MACF1: variants seen among roughly 807,000 people sequenced by gnomAD.
The protein encoded by MACF1 is microtubule-actin cross-linking factor 1.
A neutral mutation model predicts 854.8 loss-of-function variants in MACF1; 193 were observed. That is an observed-to-expected ratio of 0.23 (90% CI 0.20 to 0.25). The LOEUF (loss-of-function observed/expected upper bound fraction) is 0.25. Ranked by LOEUF, MACF1 falls within the 10% of genes least tolerant of loss-of-function variation. The pLI is 1.00. For synonymous variants in MACF1, 3,185 were observed against 3,226.7 expected (o/e 0.99, Z 0.44); for missense variants, 7,722 against 8,929.1 (o/e 0.86, Z 5.45).
intron 88 of MACF1, 137 bp from the exon 89 acceptor site, chr1:39,454,772 T>C: frequency 1.4e-6 from 1 of 734,016 alleles, no homozygotes; most frequent in South Asian, 2.0e-5. Context: ...TACACTCCAG[T>C]GTGGGTGACA....
chr1:39,115,898 A>C (rs1016884062), intron 2 of MACF1, among the ~76,000 whole-genome samples: 6 of 152,216 alleles, frequency 3.9e-5, no homozygotes, highest in Non-Finnish European at 8.8e-5. Flanking sequence ...GCAGAGGTCA[A>C]ATAAGGCAAA....
chr1:39,221,296 G>T (rs12057271), intron 1 of MACF1, among the ~76,000 whole-genome samples: 3 of 151,974 alleles, frequency 2.0e-5, no homozygotes, highest in African/African-American at 7.2e-5. Context: ...GATCAAATCC[G>T]TAAAGGATTT....
chr1:39,230,156 G>T (rs534666085), intron 1 of MACF1, among the ~76,000 whole-genome samples: 1 of 152,172 alleles, frequency 6.6e-6, no homozygotes, highest in Non-Finnish European at 1.5e-5. Context: ...ACTGATAATG[G>T]TAAGTGCTAA....
At chr1:39,456,084 AG>A (rs1191798622) in intron 89 of MACF1, among the ~76,000 whole-genome samples, 2 of 152,202 alleles carry the variant, frequency 1.3e-5, no homozygotes, top group Non-Finnish European at 2.9e-5. Context: ...CTGTAATCCC[AG>A]CACTTTGGGA....
intron 99 of MACF1, among the ~76,000 whole-genome samples, chr1:39,483,436 G>A (rs957263250): frequency 2.0e-5 from 3 of 152,294 alleles, no homozygotes; most frequent in East Asian, 1.9e-4. Context: ...TGAGCCACAC[G>A]TGTATCTGGG....
intron 6 of MACF1, chr1:39,269,545 G>A: frequency 7.8e-7 from 1 of 1,289,828 alleles, no homozygotes; most frequent in Non-Finnish European, 1.0e-6. Flanking sequence ...TTGTCCATCA[G>A]TGGTGTGACT....
chr1:39,282,699 A>C (rs1645570861), intron 7 of MACF1, among the ~76,000 whole-genome samples: 2 of 152,140 alleles, frequency 1.3e-5, no homozygotes, highest in South Asian at 4.1e-4. Flanking sequence ...GGGTGGTCAG[A>C]GATGGCCTTT....
At position 39,442,010 on chromosome 1, in the gene MACF1, G is replaced by T; in HGVS notation, c.18731G>T (p.Gly6244Val). 1 of 1,614,132 alleles carries T rather than the reference G, an allele frequency of 6.2e-7. No homozygotes were observed. The highest frequency in any genetic ancestry group is 8.5e-7 in the Non-Finnish European group (1 of 1,180,024). ...VIKLCTMPPV[G>V]TDLNTVKDQL... ...AAACTCTGCACCATGCCCCCTGTTG[G>T]CACTGACCTCAATACTGTTAAAGAT... Residue 6244 changes from glycine to valine, a missense_variant, in exon 75 of 101, where the codon GGC becomes GTC. Gly to Val is a moderately radical substitution (Grantham distance 109). This residue lies in a region of MACF1 where 2,807 missense variants were observed against 3,235.8 expected (regional missense o/e 0.87). Transcript: ENST00000564288.
At chr1:39,452,499 T>C in intron 86 of MACF1, 149 bp downstream of exon 86, 5 of 1,132,422 alleles carry the variant, frequency 4.4e-6, no homozygotes, top group South Asian at 1.6e-5. Flanking sequence ...AATTTTAATA[T>C]TCATTTTGAG....
chr1:39,222,581 C>T (rs1453782106), intron 1 of MACF1, among the ~76,000 whole-genome samples: 1 of 152,216 alleles, frequency 6.6e-6, no homozygotes, highest in East Asian at 1.9e-4. Flanking sequence ...ACACCTCCTA[C>T]CTCTCTGTGA....
intron 2 of MACF1, among the ~76,000 whole-genome samples, chr1:39,192,220 GGCA>G (rs1271492661): frequency 5.3e-5 from 8 of 152,268 alleles, no homozygotes; most frequent in African/African-American, 1.7e-4. Context: ...TTCAGTCAGA[GGCA>G]GCTGGGAGGA....
rs925264058 is a variant in MACF1, at chr1:39,460,960, C to G, written c.21523+166C>G. 1.3e-5 allele frequency among the ~76,000 whole-genome samples: 2 copies of G among 151,978 alleles called. No individual in the cohort carries two copies. The highest frequency in any genetic ancestry group is 4.8e-5 in the African/African-American group (2 of 41,354). On this transcript the variant is annotated intron_variant, in intron 92 of 100. Transcript: ENST00000564288. This position sits in a 1 kb window ranked among gnomAD's most constrained non-coding sequence, Gnocchi z 4.1. Reference sequence around the variant, plus strand: ...CAGGTGGCAAAGGCATGGTGGCACACTTGCAGTCCTAGCTACTTGGGAGGC... The same window carrying G: ...CAGGTGGCAAAGGCATGGTGGCACAGTTGCAGTCCTAGCTACTTGGGAGGC...
At chr1:39,337,364 A>G (rs1467391862) in intron 38 of MACF1, 33 bp downstream of exon 38, 2 of 1,607,806 alleles carry the variant, frequency 1.2e-6, no homozygotes, top group East Asian at 4.5e-5. Flanking sequence ...CACAGACACC[A>G]GCTTCAAGAT....
intron 2 of MACF1, among the ~76,000 whole-genome samples, chr1:39,181,977 C>T (rs1420252468): frequency 6.6e-6 from 1 of 151,922 alleles, no homozygotes; most frequent in African/African-American, 2.4e-5. Context: ...ATTGTGAAAC[C>T]CCATTTCTAC....
intron 21 of MACF1, 108 bp downstream of exon 21, chr1:39,297,853 A>G: frequency 1.5e-6 from 2 of 1,335,050 alleles, no homozygotes; most frequent in Non-Finnish European, 2.0e-6. Context: ...CCATTGTTGT[A>G]ATAAAGTTTG....
chr1:39,200,033 T>C (rs1644370317), upstream of MACF1, among the ~76,000 whole-genome samples: 1 of 152,210 alleles, frequency 6.6e-6, no homozygotes, highest in Non-Finnish European at 1.5e-5. Flanking sequence ...TGATTATTCT[T>C]CTCCCATTCA....
At chr1:39,194,341 CTTTTCT>C (rs1197591169) in intron 2 of MACF1, among the ~76,000 whole-genome samples, 1 of 70,058 alleles carries the variant, frequency 1.4e-5, no homozygotes, top group South Asian at 3.8e-4. Flanking sequence ...CTTTTCTTTT[CTTTTCT>C]TTTCTTTTTT....
chr1:39,319,372 G>A (rs574351363), intron 30 of MACF1, among the ~76,000 whole-genome samples: 1 of 152,300 alleles, frequency 6.6e-6, no homozygotes, highest in African/African-American at 2.4e-5. Context: ...CACTTTGGGA[G>A]GCCGAGGCAT....
intron 23 of MACF1, among the ~76,000 whole-genome samples, chr1:39,307,901 C>CTTTCTTTTTTT (rs1222230255): frequency 9.9e-5 from 5 of 50,410 alleles, no homozygotes; most frequent in Non-Finnish European, 1.4e-4. Flanking sequence ...TTCTTTCTTT[C>CTTTCTTTTTTT]TTTTTTTTTT....
Sources: gnomAD v4.1 joint callset for allele counts (sites outside exome capture counted in the v4.1 genomes callset) on GRCh38, gnomAD v4.1.1 for gene constraint, gnomAD v4.1.1 regional missense constraint, Gnocchi (gnomAD v3.1) non-coding constraint, MANE v1.5 for transcripts, NCBI Gene and HGNC (gene_info 2026-07-23, HGNC 2026-07-21) for gene names.